Variants in NDUFAF6 observed in about 807,000 individuals in gnomAD.
The protein encoded by NDUFAF6 is NADH:ubiquinone oxidoreductase complex assembly factor 6, also known as NADH dehydrogenase (ubiquinone) complex I, assembly factor 6.
In NDUFAF6, 45 loss-of-function variants were observed where a neutral mutation model predicts 40.8. The ratio of observed to expected loss-of-function variants is 1.10; its 90% CI spans 0.87 to 1.42. The LOEUF (loss-of-function observed/expected upper bound fraction) is 1.42. Among genes scored for constraint, NDUFAF6 ranks in the 40% most tolerant of loss-of-function variants. NDUFAF6 has a pLI of 0.00. For missense variants in NDUFAF6, 435 were observed against 418.5 expected, an observed-to-expected ratio of 1.04 and a Z score of -0.34; for synonymous variants, 185 against 155.9, an observed-to-expected ratio of 1.19 and a Z score of -1.39.
chr8:95,059,722 G>A (rs749979138), downstream of NDUFAF6, among the ~76,000 whole-genome samples: 1 of 152,108 alleles, frequency 6.6e-6, no homozygotes, highest in African/African-American at 2.4e-5. Flanking sequence ...TGTGGTGGGA[G>A]CCTGTAGTCC....
intron 1 of NDUFAF6, among the ~76,000 whole-genome samples, chr8:94,911,044 C>T (rs1200494792): frequency 1.3e-5 from 2 of 152,128 alleles, no homozygotes; most frequent in African/African-American, 2.4e-5. Context: ...AATCTTCATA[C>T]GTGTGTATAC....
chr8:95,017,680 A>G (rs1051902430), intron 2 of NDUFAF6, among the ~76,000 whole-genome samples: 12 of 152,226 alleles, frequency 7.9e-5, no homozygotes, highest in African/African-American at 2.9e-4. Flanking sequence ...GAAAATAACA[A>G]AAGTGTTTAT....
At chr8:94,997,333 C>CAGAG (rs1198403849) in intron 2 of NDUFAF6, among the ~76,000 whole-genome samples, 2 of 138,488 alleles carry the variant, frequency 1.4e-5, no homozygotes, top group African/African-American at 5.6e-5. Context: ...CACACACACA[C>CAGAG]ACACACACAC....
chr8:94,958,522 C>CTTTTTTTTTTTTT lies in NDUFAF6; in HGVS notation c.-199+361_-199+373dup, dbSNP rs55703438. On this transcript the variant is annotated intron_variant, in intron 1 of 9. Transcript: ENST00000396111. ...CCCTATCTCCACACATAGTCACATT[C>CTTTTTTTTTTTTT]TTTTTTTTTTTTTTTTTTTTTTTTT... 9.8e-5 allele frequency among the ~76,000 whole-genome samples: 7 copies of CTTTTTTTTTTTTT among 71,274 alleles called. 2 individuals are homozygous for CTTTTTTTTTTTTT. Among genetic ancestry groups the CTTTTTTTTTTTTT allele is most frequent in the African/African-American group, 3.5e-4 (6 of 16,946 alleles). 46.8% of individuals were successfully genotyped at this position (71,274 alleles called of 152,430 possible). A position where few individuals can be genotyped will look rare whatever the true frequency, so the allele number is the denominator to read the frequency against.
intron 4 of NDUFAF6, among the ~76,000 whole-genome samples, chr8:95,042,765 CTG>C (rs1563821112): frequency 6.6e-6 from 1 of 152,136 alleles, no homozygotes; most frequent in East Asian, 1.9e-4. Context: ...AGTAATCAAA[CTG>C]TGTGTTACTG....
At chr8:94,911,855 A>G (rs1818801403) in intron 1 of NDUFAF6, among the ~76,000 whole-genome samples, 2 of 152,328 alleles carry the variant, frequency 1.3e-5, no homozygotes, top group Non-Finnish European at 2.9e-5. Context: ...CAGAAGTGAT[A>G]GCCTGGTTTG....
chr8:95,093,422 C>T (rs1340019799), intron 2 of NDUFAF6, among the ~76,000 whole-genome samples: 1 of 152,210 alleles, frequency 6.6e-6, no homozygotes, highest in Non-Finnish European at 1.5e-5. Context: ...CTTCTTGAAG[C>T]CACTTGCTTA....
At chr8:94,905,000 G>C (rs867078168) in intron 1 of NDUFAF6, among the ~76,000 whole-genome samples, 9 of 152,162 alleles carry the variant, frequency 5.9e-5, no homozygotes, top group Admixed American at 3.3e-4. Flanking sequence ...AGGAGTTCGA[G>C]ACCAGCCTGG....
chr8:95,089,475 T>TAA (rs1245245502), intron 2 of NDUFAF6, among the ~76,000 whole-genome samples: 2 of 151,746 alleles, frequency 1.3e-5, no homozygotes, highest in Non-Finnish European at 2.9e-5. Flanking sequence ...TATATATATA[T>TAA]AAAAGGGAGA....
chr8:94,910,187 C>G lies in NDUFAF6; in HGVS notation c.-936+14260C>G, dbSNP rs899023959. Among the ~76,000 whole-genome samples, 37 of 152,052 alleles carry G rather than the reference C, an allele frequency of 2.4e-4. 1 individual carries two copies. Among genetic ancestry groups the G allele is most frequent in the Non-Finnish European group, 1.5e-5 (1 of 68,022 alleles). On this transcript the variant is annotated intron_variant, in intron 1 of 14. Transcript: ENST00000396113. ...TTTTTTTATTGGAGATGGAGTCGCT[C>G]TGTCGCCTAGGCTGTAGTACAGTGG... is the stretch of plus-strand genomic sequence containing the variant.
At chr8:94,935,806 A>C (rs766596665) in intron 1 of NDUFAF6, among the ~76,000 whole-genome samples, 1 of 152,232 alleles carries the variant, frequency 6.6e-6, no homozygotes, top group Non-Finnish European at 1.5e-5. Flanking sequence ...AGCTTTACGT[A>C]AAGAAGTTAT....
chr8:95,048,361 G>A, intron 6 of NDUFAF6, 96 bp from the exon 7 acceptor site: 2 of 851,790 alleles, frequency 2.3e-6, no homozygotes, highest in South Asian at 2.8e-5. Flanking sequence ...CTTGTGCTAA[G>A]TTAGTTTTAA....
At chr8:95,032,649 T>A (rs1828992535) in intron 2 of NDUFAF6, among the ~76,000 whole-genome samples, 1 of 152,164 alleles carries the variant, frequency 6.6e-6, no homozygotes, top group Admixed American at 6.5e-5. Flanking sequence ...TGGATGGAGA[T>A]GAGAGAGTGA....
At chr8:94,938,844 C>T (rs748915394) in intron 1 of NDUFAF6, among the ~76,000 whole-genome samples, 5 of 152,204 alleles carry the variant, frequency 3.3e-5, no homozygotes, top group African/African-American at 7.2e-5. Context: ...AGGAAGGGGT[C>T]GTGGGAACAC....
At chr8:95,088,389 C>T (rs1248377164) in intron 2 of NDUFAF6, among the ~76,000 whole-genome samples, 1 of 152,230 alleles carries the variant, frequency 6.6e-6, no homozygotes, top group Non-Finnish European at 1.5e-5. Context: ...TCATTACCTT[C>T]CCCACGTTGA....
intron 2 of NDUFAF6, among the ~76,000 whole-genome samples, chr8:94,990,956 C>T (rs1224609481): frequency 1.3e-5 from 2 of 152,208 alleles, no homozygotes; most frequent in Non-Finnish European, 2.9e-5. Flanking sequence ...GCCTTATTCG[C>T]GAAGGGACTT....
At chr8:95,117,646 G>A (rs1034925143), downstream of NDUFAF6, among the ~76,000 whole-genome samples, 4 of 152,228 alleles carry the variant, frequency 2.6e-5, no homozygotes, top group African/African-American at 9.6e-5. Flanking sequence ...GGTGCAGGAA[G>A]ACTGCACTTC....
rs1047529797 is a variant in NDUFAF6, at chr8:94,932,251, T to C, written c.-935-13232T>C. Reference sequence around the variant, plus strand: ...GCACGTACATGTGCTTAAGATAACATGTAAAACCTTCAAAAACAATACTTA... The same window carrying C: ...GCACGTACATGTGCTTAAGATAACACGTAAAACCTTCAAAAACAATACTTA... On this transcript the variant is annotated intron_variant, in intron 1 of 14. Coordinates refer to the NDUFAF6 transcript ENST00000396113. The C allele has an allele frequency of 4.8e-5, 39 of 806,240 alleles. No homozygotes were observed. In the African/African-American group the frequency reaches 4.8e-4, roughly 10 times the overall value. The allele number at this position is 806,240 out of a possible 1,614,324, so 49.9% of individuals were successfully genotyped here.
chr8:95,110,786 C>G (rs146544592), intron 4 of NDUFAF6, among the ~76,000 whole-genome samples: 11 of 152,304 alleles, frequency 7.2e-5, no homozygotes, highest in African/African-American at 2.6e-4. Context: ...AATTTGCCTC[C>G]CCTCTTTATT....
Sources: allele counts gnomAD v4.1 joint callset (sites outside exome capture counted in the v4.1 genomes callset), GRCh38; gene constraint gnomAD v4.1.1; transcripts MANE v1.5; gene names NCBI Gene and HGNC (gene_info 2026-07-23, HGNC 2026-07-21).